Variants in NFYC observed in about 807,000 individuals in gnomAD.
NFYC encodes nuclear transcription factor Y subunit gamma.
Under a neutral mutation model 53.1 loss-of-function variants are expected in NFYC, and 25 were observed. The observed-to-expected ratio is 0.47, with a 90% CI of 0.34 to 0.66. The LOEUF is 0.66. NFYC is among the 30% of genes least tolerant of loss of function. The pLI is 0.01. For synonymous variants in NFYC, 145 were observed against 152.6 expected, an observed-to-expected ratio of 0.95 and a Z score of 0.37; for missense variants, 260 against 422.7, an observed-to-expected ratio of 0.62 and a Z score of 3.38.
chr1:40,739,813 G>T (rs2148616547), intron 2 of NFYC, among the ~76,000 whole-genome samples: 1 of 152,276 alleles, frequency 6.6e-6, no homozygotes, highest in East Asian at 1.9e-4. Context: ...TAAGTAAAGG[G>T]AACATTTTTG....
At chr1:40,714,807 G>A (rs995697537) in intron 1 of NFYC, among the ~76,000 whole-genome samples, 26 of 152,142 alleles carry the variant, frequency 1.7e-4, no homozygotes, top group African/African-American at 3.4e-4. Context: ...AGGGCAGGGC[G>A]TGGTGGCTCA....
intron 1 of NFYC, among the ~76,000 whole-genome samples, chr1:40,700,130 C>T (rs1426175501): frequency 2.6e-5 from 4 of 152,140 alleles, no homozygotes; most frequent in South Asian, 4.1e-4. Flanking sequence ...AAGGACTTTT[C>T]TGAGAACAAG....
chr1:40,757,908 T>C (rs1206265437), intron 5 of NFYC: 1 of 596,506 alleles, frequency 1.7e-6, no homozygotes, highest in Non-Finnish European at 3.0e-6. Flanking sequence ...AAATTGGCTG[T>C]ATGTTTTGTG....
chr1:40,760,717 CA>C lies in NFYC; in HGVS notation c.562-2158del, dbSNP rs397974863. Among the ~76,000 whole-genome samples, 295 of 132,896 alleles carry C rather than the reference CA, an allele frequency of 2.2e-3. 2 individuals carry two copies. The highest frequency in any genetic ancestry group is 0.013 in the East Asian group (62 of 4,618). 87.2% of individuals were successfully genotyped at this position (132,896 alleles called of 152,430 possible). On this transcript the variant is annotated intron_variant, in intron 6 of 9. Coordinates refer to ENST00000447388, the MANE Select transcript of NFYC (RefSeq NM_014223.5). ...TCTGGGTGACAGAGCGAGACTGTCTCAAAAAAAAAAAAAGGTAATTATGATT... is the reference window on the plus strand; with the variant it reads ...TCTGGGTGACAGAGCGAGACTGTCTCAAAAAAAAAAAAGGTAATTATGATT...
chr1:40,757,965 C>G, intron 5 of NFYC, 156 bp from the exon 6 acceptor site: 1 of 730,142 alleles, frequency 1.4e-6, no homozygotes, highest in Non-Finnish European at 2.3e-6. Context: ...CATAACTGGT[C>G]TCTTTGAATT....
chr1:40,714,096 A>T (rs996675345), intron 1 of NFYC, among the ~76,000 whole-genome samples: 46 of 152,342 alleles, frequency 3.0e-4, no homozygotes, highest in African/African-American at 1.1e-3. Context: ...GGGTATACAA[A>T]CACATCACCT....
chr1:40,729,470 A>G (rs1644666617), intron 1 of NFYC, among the ~76,000 whole-genome samples: 1 of 152,180 alleles, frequency 6.6e-6, no homozygotes, highest in Middle Eastern at 3.2e-3. Flanking sequence ...GCTCCACATT[A>G]GGCTTTGGCT....
At position 40,770,384 on chromosome 1, in the gene NFYC, G is replaced by A. The variant is rs964707031; in HGVS notation, c.889-325G>A. 7.1e-6 allele frequency: 11 copies of A among 1,539,016 alleles called. No homozygotes were observed. In the East Asian group the frequency reaches 1.2e-4, roughly 17 times the overall value. ...GCTGGTACAGTGGTTCGAATTGCTT[G>A]TGTTTGCCACAGAGGAACAGCGTGC... On this transcript the variant is annotated intron_variant, in intron 9 of 9. Coordinates refer to ENST00000447388, the MANE Select transcript of NFYC (RefSeq NM_014223.5). The surrounding 1 kb of genome is among the most constrained non-coding windows in gnomAD (Gnocchi z 5.3).
At chr1:40,761,528 G>A (rs1646544491) in intron 6 of NFYC, among the ~76,000 whole-genome samples, 1 of 152,174 alleles carries the variant, frequency 6.6e-6, no homozygotes, top group South Asian at 2.1e-4. Context: ...TTGGGAATAG[G>A]CTGAGTTGAA....
intron 2 of NFYC, among the ~76,000 whole-genome samples, chr1:40,743,139 T>C (rs1020808698): frequency 6.6e-6 from 1 of 152,262 alleles, no homozygotes; most frequent in Non-Finnish European, 1.5e-5. Flanking sequence ...CTAGATGATA[T>C]ATTTCATGAT....
chr1:40,736,306 A>C (rs1187824632), intron 1 of NFYC, among the ~76,000 whole-genome samples: 1 of 152,230 alleles, frequency 6.6e-6, no homozygotes, highest in Non-Finnish European at 1.5e-5. Flanking sequence ...AAAAAGAAAA[A>C]AATCAGAGAC....
rs183296773 is a variant in NFYC at position 40,750,685 on chromosome 1, G to A, written c.291+999G>A. On this transcript the variant is annotated intron_variant, in intron 4 of 9. Transcript: ENST00000447388. ...CTTGAAGTTAGTCTGTGGATCCAGA[G>A]AGATCCAGTTAAAGCTCCCTTCAAG... is the stretch of plus-strand genomic sequence containing the variant. Among the ~76,000 whole-genome samples, 7 of 152,320 alleles carry A rather than the reference G, an allele frequency of 4.6e-5. No homozygotes were observed. The East Asian group carries it at 1.3e-3, about 29-fold the overall frequency.
intron 1 of NFYC, among the ~76,000 whole-genome samples, chr1:40,713,212 TTGA>T (rs1644001551): frequency 6.6e-6 from 1 of 152,060 alleles, no homozygotes; most frequent in Non-Finnish European, 1.5e-5. Context: ...AGGGGTGGGG[TTGA>T]TATTTTGTGA....
chr1:40,746,335 A>G (rs1645606098), intron 2 of NFYC, among the ~76,000 whole-genome samples: 1 of 152,230 alleles, frequency 6.6e-6, no homozygotes, highest in South Asian at 2.1e-4. Context: ...TGTACATTTT[A>G]TCCTAATAGA....
rs1305351740 is a variant in NFYC, at chr1:40,738,004, G to A, written c.-8-832G>A. On this transcript the variant is annotated intron_variant, in intron 1 of 9. Transcript: ENST00000447388. Reference sequence around the variant, plus strand: ...TGCAAGCTCCGCCTCCCGGGTTCACGCCATTCTCCTGCCTCAGCCTCCCAA... The same window carrying A: ...TGCAAGCTCCGCCTCCCGGGTTCACACCATTCTCCTGCCTCAGCCTCCCAA... Among the ~76,000 whole-genome samples, 5 of 148,116 alleles carry A rather than the reference G, an allele frequency of 3.4e-5. No individual in the cohort carries two copies. The East Asian group carries it at 6.0e-4, about 18-fold the overall frequency.
chr1:40,706,971 A>G lies in NFYC; in HGVS notation c.-9+15104A>G, dbSNP rs982513325. ...GGTTTTCTGAGGTCAGGAGTTTGAA[A>G]CCACCCTGGCCCACATGGTGAAACC... On this transcript the variant is annotated intron_variant, in intron 1 of 9. Coordinates refer to ENST00000447388, the MANE Select transcript of NFYC (RefSeq NM_014223.5). 2.0e-5 allele frequency among the ~76,000 whole-genome samples: 3 copies of G among 151,954 alleles called. No homozygotes were observed. The South Asian group carries it at 6.2e-4, about 32-fold the overall frequency.
intron 4 of NFYC, among the ~76,000 whole-genome samples, chr1:40,750,402 G>C (rs1193703771): frequency 6.6e-6 from 1 of 152,128 alleles, no homozygotes; most frequent in African/African-American, 2.4e-5. Flanking sequence ...AAATGCATGT[G>C]TTTATTCATT....
intron 3 of NFYC, among the ~76,000 whole-genome samples, chr1:40,748,733 G>A (rs1645753468): frequency 1.3e-5 from 2 of 152,092 alleles, no homozygotes; most frequent in African/African-American, 2.4e-5. Flanking sequence ...ATAGTCTTTT[G>A]TATTTTCACA....
intron 5 of NFYC, 79 bp from the exon 6 acceptor site, chr1:40,758,042 G>T: frequency 6.6e-7 from 1 of 1,524,426 alleles, no homozygotes; most frequent in South Asian, 1.2e-5. Flanking sequence ...TAGCCTGTTT[G>T]GGGGAAGAGT....
Sources: gnomAD v4.1 joint callset for allele counts (sites outside exome capture counted in the v4.1 genomes callset) on GRCh38, gnomAD v4.1.1 for gene constraint, Gnocchi (gnomAD v3.1) non-coding constraint, MANE v1.5 for transcripts, NCBI Gene and HGNC (gene_info 2026-07-23, HGNC 2026-07-21) for gene names.